The following FBN1 variants were observed in gnomAD, a reference collection of about 807,000 sequenced individuals.
FBN1 encodes fibrillin-1.
In FBN1, 29 loss-of-function variants were observed where a neutral mutation model predicts 365.1. The observed-to-expected ratio is 0.08, with a 90% CI of 0.06 to 0.11. The LOEUF (loss-of-function observed/expected upper bound fraction) is 0.11, where lower values mean the gene tolerates loss of function less well. Ranked by LOEUF, FBN1 falls within the 10% of genes least tolerant of loss-of-function variation. The probability of loss-of-function intolerance (pLI) is 1.00; values close to 1 mark genes in which losing one functional copy is unlikely to be tolerated. For synonymous variants in FBN1, 1,210 were observed against 1,270.5 expected (o/e 0.95, Z 1.01); for missense variants, 2,476 against 3,703.2 (o/e 0.67, Z 8.60).
intron 2 of FBN1, among the ~76,000 whole-genome samples, chr15:48,634,860 CACACACA>C (rs1204517861): frequency 3.9e-4 from 16 of 41,496 alleles, no homozygotes; most frequent in African/African-American, 2.5e-3. Flanking sequence ...AAAAAAACCA[CACACACA>C]CACACACACA....
At chr15:48,413,730 A>G (rs1472511727) in intron 64 of FBN1, among the ~76,000 whole-genome samples, 1 of 152,240 alleles carries the variant, frequency 6.6e-6, no homozygotes, top group African/African-American at 2.4e-5. Flanking sequence ...ATGGGTCATA[A>G]TATAGACCAA....
intron 9 of FBN1, among the ~76,000 whole-genome samples, chr15:48,522,428 A>G (rs1047543496): frequency 6.6e-6 from 1 of 152,166 alleles, no homozygotes; most frequent in Non-Finnish European, 1.5e-5. Context: ...CAGTCCATGG[A>G]AAAATTGTCT....
At chr15:48,645,205 T>C (rs1890279336) in intron 1 of FBN1, among the ~76,000 whole-genome samples, 3 of 151,866 alleles carry the variant, frequency 2.0e-5, no homozygotes, top group Admixed American at 6.5e-5. Flanking sequence ...TCCCCAGCGG[T>C]CCTAAGCCCC....
intron 10 of FBN1, 51 bp downstream of exon 10, chr15:48,520,608 C>A: frequency 6.2e-7 from 1 of 1,607,634 alleles, no homozygotes; most frequent in Non-Finnish European, 8.5e-7. Context: ...TGCCACTGGG[C>A]TTGTGAGGGC....
chr15:48,556,246 C>A (rs967652212), intron 6 of FBN1, among the ~76,000 whole-genome samples: 1 of 152,084 alleles, frequency 6.6e-6, no homozygotes, highest in African/African-American at 2.4e-5. Flanking sequence ...TTTGGAAGAG[C>A]CTTCATGACT....
chr15:48,576,813 C>G (rs1300433662), intron 6 of FBN1, among the ~76,000 whole-genome samples: 1 of 152,028 alleles, frequency 6.6e-6, no homozygotes, highest in Non-Finnish European at 1.5e-5. Flanking sequence ...AGAACTAGGT[C>G]AGACAGAAAA....
chr15:48,472,232 T>G (rs2043381948), intron 35 of FBN1, among the ~76,000 whole-genome samples: 1 of 152,122 alleles, frequency 6.6e-6, no homozygotes, highest in African/African-American at 2.4e-5. Context: ...ACAGGTTGCA[T>G]CCCCCTCCGT....
intron 50 of FBN1, 128 bp from the exon 51 acceptor site, chr15:48,438,045 G>A (rs543829467): frequency 1.5e-5 from 14 of 960,382 alleles, no homozygotes; most frequent in African/African-American, 9.6e-5. Context: ...TACTCCTTAC[G>A]TGATTCTAAT....
At position 48,471,780 on chromosome 15, in the gene FBN1, T is replaced by C. The variant is rs577588798; in HGVS notation, c.4336+771A>G. Among the ~76,000 whole-genome samples, 6 of 152,360 alleles carry C rather than the reference T, an allele frequency of 3.9e-5. No homozygotes were observed. In the South Asian group the frequency reaches 1.2e-3, roughly 32 times the overall value. On this transcript the variant is annotated intron_variant, in intron 35 of 65. Transcript: ENST00000316623. The stretch of plus-strand genomic sequence containing the variant: ...AACTTCTACTGACAATCGTTATCAT[T>C]TGTTTATTTCTACTGAAATCTTCTT...
At chr15:48,519,062 G>A (rs2043829481) in intron 10 of FBN1, among the ~76,000 whole-genome samples, 1 of 152,034 alleles carries the variant, frequency 6.6e-6, no homozygotes, top group African/African-American at 2.4e-5. Context: ...CCTCAACACA[G>A]GAAGGAATCC....
At chr15:48,499,138 A>C in intron 17 of FBN1, 100 bp from the exon 18 acceptor site, 1 of 1,196,000 alleles carries the variant, frequency 8.4e-7, no homozygotes, top group African/African-American at 1.5e-5. Context: ...AGTGAGTAGA[A>C]CCAAACTTAA....
chr15:48,611,576 T>C (rs535167097), intron 3 of FBN1, among the ~76,000 whole-genome samples: 2 of 152,310 alleles, frequency 1.3e-5, no homozygotes, highest in East Asian at 3.9e-4. Context: ...AAATGTTTAA[T>C]GTTTAATTTT....
rs537288927 is a variant in FBN1, at chr15:48,552,182, T to G, written c.539-14374A>C. On this transcript the variant is annotated intron_variant, in intron 6 of 65. Coordinates refer to ENST00000316623, the MANE Select transcript of FBN1 (RefSeq NM_000138.5). ...GCAGCATCTGTTATTTTTTGACTTT[T>G]TAATAGCAGCTTTAATAGGTGTTAG... is the stretch of plus-strand genomic sequence containing the variant. Among the ~76,000 whole-genome samples the G allele has an allele frequency of 5.3e-5, 8 of 152,336 alleles. No individual in the cohort carries two copies. In the East Asian group the frequency reaches 1.3e-3, roughly 26 times the overall value.
chr15:48,554,135 C>T (rs189712567), intron 6 of FBN1, among the ~76,000 whole-genome samples: 9 of 152,266 alleles, frequency 5.9e-5, no homozygotes, highest in Non-Finnish European at 1.0e-4. Flanking sequence ...CTCAAAATGA[C>T]GGTACAATGT....
intron 38 of FBN1, 123 bp from the exon 39 acceptor site, chr15:48,465,981 C>G (rs2043318545): frequency 1.4e-6 from 1 of 739,362 alleles, no homozygotes; most frequent in Non-Finnish European, 2.4e-6. Flanking sequence ...TTAGTTGTTA[C>G]TCTGCCCGTC....
At chr15:48,568,953 C>T (rs146265984) in intron 6 of FBN1, among the ~76,000 whole-genome samples, 37 of 151,986 alleles carry the variant, frequency 2.4e-4, no homozygotes, top group African/African-American at 8.2e-4. Context: ...GATAAAATAT[C>T]AGAAGCACAA....
Position 48,513,621 on chromosome 15 carries a change from T to A in FBN1, c.1516A>T (p.Asn506Tyr), listed in dbSNP as rs2141327814. 2 of 1,614,036 alleles carry A rather than the reference T, an allele frequency of 1.2e-6. No individual in the cohort carries two copies. Among genetic ancestry groups the A allele is most frequent in the Non-Finnish European group, 1.7e-6 (2 of 1,179,916 alleles). ...KNPCAGGECI[N>Y]NQGSYTCQCR... ...TGACAGGTGTACGAACCCTGGTTGT[T>A]AATACACTCACCACCAGCACAGGGG... The change falls in exon 13 of 66, where the codon AAC becomes TAC. Residue 506 changes from asparagine to tyrosine, a missense_variant. Coordinates refer to ENST00000316623, the MANE Select transcript of FBN1 (RefSeq NM_000138.5).
intron 10 of FBN1, among the ~76,000 whole-genome samples, chr15:48,516,647 GTACTACTT>G (rs565486614): frequency 6.6e-6 from 1 of 152,246 alleles, no homozygotes; most frequent in East Asian, 1.9e-4. Context: ...AAACATAAAA[GTACTACTT>G]TCTCCATCCA....
intron 55 of FBN1, among the ~76,000 whole-genome samples, chr15:48,431,690 C>T (rs1000548578): frequency 6.6e-6 from 1 of 151,480 alleles, no homozygotes; most frequent in Non-Finnish European, 1.5e-5. Flanking sequence ...AGTCTCACTC[C>T]GTCATCCAGT....
Sources: allele counts gnomAD v4.1 joint callset (sites outside exome capture counted in the v4.1 genomes callset), GRCh38; gene constraint gnomAD v4.1.1; transcripts MANE v1.5; gene names NCBI Gene and HGNC (gene_info 2026-07-23, HGNC 2026-07-21).